The following PIP4K2B variants were observed in gnomAD, a reference collection of about 807,000 sequenced individuals.
PIP4K2B encodes phosphatidylinositol 5-phosphate 4-kinase type-2 beta.
PIP4K2B carries 3 observed loss-of-function variants against 42.0 expected under a neutral mutation model. The observed-to-expected ratio is 0.07, with a 90% CI of 0.03 to 0.18. PIP4K2B has a LOEUF of 0.18. Ranked by LOEUF, PIP4K2B falls within the 10% of genes least tolerant of loss-of-function variation. PIP4K2B has a pLI of 1.00. For missense variants in PIP4K2B, 332 were observed against 562.3 expected, an observed-to-expected ratio of 0.59 and a Z score of 4.14; for synonymous variants, 204 against 210.1, an observed-to-expected ratio of 0.97 and a Z score of 0.25.
intron 6 of PIP4K2B, 76 bp from the exon 7 acceptor site, chr17:38,777,876 G>T: frequency 9.9e-7 from 1 of 1,012,268 alleles, no homozygotes; most frequent in Non-Finnish European, 1.6e-6. Flanking sequence ...TCTGCCGGGA[G>T]CAACTATACA....
rs1275352734 is a variant in PIP4K2B, at chr17:38,767,761, G to A, written c.*1930C>T. On this transcript the variant is annotated 3_prime_UTR_variant, in exon 10 of 10. Coordinates refer to ENST00000619039, the MANE Select transcript of PIP4K2B (RefSeq NM_003559.5). Reference sequence around the variant, plus strand: ...CCAAACTTCCATTCTTCATTATGACGTGGGGAAATCAAGTCCAAACATTAT... The same window carrying A: ...CCAAACTTCCATTCTTCATTATGACATGGGGAAATCAAGTCCAAACATTAT... The A allele has an allele frequency of 6.6e-6, 1 of 152,212 alleles. No individual in the cohort carries two copies. 9.4% of individuals were successfully genotyped at this position (152,212 alleles called of 1,614,324 possible).
chr17:38,790,316 C>T (rs1361598163), intron 1 of PIP4K2B, among the ~76,000 whole-genome samples: 5 of 152,196 alleles, frequency 3.3e-5, no homozygotes, highest in South Asian at 2.1e-4. Flanking sequence ...AGAAACAATT[C>T]GTGGTGGCTG....
chr17:38,780,641 G>T, intron 3 of PIP4K2B, 37 bp from the exon 4 acceptor site: 1 of 1,594,988 alleles, frequency 6.3e-7, no homozygotes, highest in Non-Finnish European at 8.6e-7. Flanking sequence ...GGCTTGGCAG[G>T]GGAACAGAAT....
At chr17:38,793,368 C>T (rs1322873724) in intron 1 of PIP4K2B, among the ~76,000 whole-genome samples, 4 of 151,302 alleles carry the variant, frequency 2.6e-5, no homozygotes, top group Admixed American at 2.0e-4. Flanking sequence ...CTCAGCCTCC[C>T]GAGTAGCTGG....
rs557771302 is a variant in PIP4K2B at position 38,768,251 on chromosome 17, A to G, written c.*1440T>C. On this transcript the variant is annotated 3_prime_UTR_variant, in exon 10 of 10. Transcript: ENST00000619039. ...TACCTCCCCCAATGCAGAACAACAG[A>G]GCTGTTTCTCTCCTGGCCAGAGCAG... 1.3e-5 allele frequency: 2 copies of G among 152,402 alleles called. No homozygotes were observed. Among genetic ancestry groups the G allele is most frequent in the South Asian group, 4.1e-4 (2 of 4,824 alleles). The allele number at this position is 152,402 out of a possible 1,614,324, so 9.4% of individuals were successfully genotyped here.
At chr17:38,787,535 T>C (rs1170405804) in intron 1 of PIP4K2B, among the ~76,000 whole-genome samples, 1 of 152,242 alleles carries the variant, frequency 6.6e-6, no homozygotes, top group Non-Finnish European at 1.5e-5. Flanking sequence ...ATATTGTAGT[T>C]AATGCCTATA....
intron 7 of PIP4K2B, among the ~76,000 whole-genome samples, chr17:38,772,289 G>A (rs1305784979): frequency 1.3e-5 from 2 of 152,150 alleles, no homozygotes; most frequent in African/African-American, 2.4e-5. Flanking sequence ...GAAAATTCCA[G>A]AAATAATTCA....
In PIP4K2B at chr17:38,799,398, C is replaced by T; in HGVS notation, c.27G>A (p.Thr9=). ...CGCTGAGCGGCGCCACCGCCACCGC[C>T]GTGGTGCTGGTGCAGTTGGACGACA... MSSNCTST[T]AVAVAPLSAS... is the part of the protein sequence containing the mutation. The change falls in exon 1 of 10, where the codon ACG becomes ACA. Residue 9 remains threonine (T), a synonymous_variant. Coordinates refer to ENST00000619039, the MANE Select transcript of PIP4K2B (RefSeq NM_003559.5). The surrounding 1 kb of genome is among the most constrained non-coding windows in gnomAD (Gnocchi z 4.4). 1.9e-6 allele frequency: 3 copies of T among 1,604,806 alleles called. No homozygotes were observed. Among genetic ancestry groups the T allele is most frequent in the Non-Finnish European group, 2.5e-6 (3 of 1,177,724 alleles).
intron 1 of PIP4K2B, among the ~76,000 whole-genome samples, chr17:38,793,691 C>T (rs1397255755): frequency 1.3e-5 from 2 of 151,990 alleles, no homozygotes; most frequent in Non-Finnish European, 2.9e-5. Flanking sequence ...GGCAACATGG[C>T]AAAACCCCGA....
At chr17:38,783,088 G>A (rs1229965089) in intron 3 of PIP4K2B, among the ~76,000 whole-genome samples, 1 of 151,004 alleles carries the variant, frequency 6.6e-6, no homozygotes, top group Non-Finnish European at 1.5e-5. Context: ...CCAGCTACTC[G>A]GGAGGCTGAG....
intron 7 of PIP4K2B, among the ~76,000 whole-genome samples, chr17:38,773,767 T>G (rs1027056976): frequency 2.6e-5 from 4 of 152,268 alleles, no homozygotes; most frequent in Admixed American, 2.0e-4. Context: ...GATGCCACTC[T>G]GAGCACTTCC....
At chr17:38,789,175 A>G (rs1305924277) in intron 1 of PIP4K2B, among the ~76,000 whole-genome samples, 1 of 152,196 alleles carries the variant, frequency 6.6e-6, no homozygotes, top group Non-Finnish European at 1.5e-5. Flanking sequence ...CCTGCCATAC[A>G]CTAAACTAAG....
At chr17:38,782,053 TG>T (rs1017529476) in intron 3 of PIP4K2B, among the ~76,000 whole-genome samples, 1 of 152,152 alleles carries the variant, frequency 6.6e-6, no homozygotes, top group African/African-American at 2.4e-5. Context: ...ACCACCTTCA[TG>T]GGGAAAACTA....
At chr17:38,775,876 T>C (rs1264721313) in intron 7 of PIP4K2B, among the ~76,000 whole-genome samples, 1 of 150,434 alleles carries the variant, frequency 6.6e-6, no homozygotes, top group South Asian at 2.1e-4. Flanking sequence ...AAATAAATAA[T>C]AAAAAGAAAA....
chr17:38,798,726 A>C, intron 1 of PIP4K2B, among the ~76,000 whole-genome samples: 1 of 152,170 alleles, frequency 6.6e-6, no homozygotes, highest in East Asian at 1.9e-4. Flanking sequence ...ATCTTGTTCA[A>C]GAGGGAAAAA....
At chr17:38,770,565 G>A in intron 8 of PIP4K2B, 26 bp from the exon 9 acceptor site, 2 of 1,322,072 alleles carry the variant, frequency 1.5e-6, no homozygotes, top group Non-Finnish European at 1.1e-6. Flanking sequence ...GAGCAGGGAA[G>A]AAGGAAGAGG....
At chr17:38,779,353 C>A in intron 5 of PIP4K2B, 30 bp downstream of exon 5, 3 of 1,586,556 alleles carry the variant, frequency 1.9e-6, no homozygotes, top group Non-Finnish European at 2.6e-6. Flanking sequence ...AGAGGGGAGG[C>A]ACAGCTCCGG....
intron 1 of PIP4K2B, among the ~76,000 whole-genome samples, chr17:38,798,656 C>T (rs1250996349): frequency 1.3e-5 from 2 of 152,184 alleles, no homozygotes; most frequent in Non-Finnish European, 2.9e-5. Context: ...TTCTCCCTAA[C>T]CCAGAGAGAC....
chr17:38,798,926 G>C (rs933801008), intron 1 of PIP4K2B, among the ~76,000 whole-genome samples: 1 of 152,234 alleles, frequency 6.6e-6, no homozygotes, highest in Admixed American at 6.5e-5. Context: ...CAGGATGAGG[G>C]GGGAGGAGGA....
Sources: allele counts gnomAD v4.1 joint callset (sites outside exome capture counted in the v4.1 genomes callset), GRCh38; gene constraint gnomAD v4.1.1; non-coding constraint Gnocchi (gnomAD v3.1); transcripts MANE v1.5; gene names NCBI Gene and HGNC (gene_info 2026-07-23, HGNC 2026-07-21).